CYTH3: variants seen among roughly 807,000 people sequenced by gnomAD.
CYTH3 encodes cytohesin-3.
In CYTH3, 23 loss-of-function variants were observed where a neutral mutation model predicts 55.1. The observed-to-expected ratio is 0.42, with a 90% CI of 0.30 to 0.59. The LOEUF (loss-of-function observed/expected upper bound fraction) is 0.59. Among genes scored for constraint, CYTH3 ranks in the 20% least tolerant of loss-of-function variants. The pLI is 0.20. For synonymous variants in CYTH3, 249 were observed against 194.9 expected, an observed-to-expected ratio of 1.28 and a Z score of -2.31; for missense variants, 413 against 524.8, an observed-to-expected ratio of 0.79 and a Z score of 2.08.
intron 1 of CYTH3, among the ~76,000 whole-genome samples, chr7:6,266,260 G>C (rs1437957855): frequency 6.6e-6 from 1 of 152,102 alleles, no homozygotes. Flanking sequence ...GAAATGGAAG[G>C]CTTGGGTTCC....
chr7:6,187,227 A>G (rs1177775355), intron 3 of CYTH3, 111 bp from the exon 4 acceptor site: 1 of 1,178,304 alleles, frequency 8.5e-7, no homozygotes, highest in Admixed American at 1.9e-5. Flanking sequence ...GAAGCGAAGC[A>G]CAGGCCCTCA....
chr7:6,263,866 C>A (rs1462763665), intron 1 of CYTH3, among the ~76,000 whole-genome samples: 1 of 151,006 alleles, frequency 6.6e-6, no homozygotes, highest in Non-Finnish European at 1.5e-5. Flanking sequence ...TTAAATTAAA[C>A]AAGGTCTATA....
chr7:6,203,103 T>A (rs765898155), intron 1 of CYTH3, among the ~76,000 whole-genome samples: 1 of 151,764 alleles, frequency 6.6e-6, no homozygotes, highest in African/African-American at 2.4e-5. Context: ...ATTCACAAAG[T>A]CAGAATTTAT....
At chr7:6,200,340 C>T (rs915243744) in intron 1 of CYTH3, among the ~76,000 whole-genome samples, 3 of 152,182 alleles carry the variant, frequency 2.0e-5, no homozygotes, top group African/African-American at 7.2e-5. Flanking sequence ...AGTTCACTCG[C>T]AGTCCTATGA....
At chr7:6,255,701 C>G (rs1199048448) in intron 1 of CYTH3, among the ~76,000 whole-genome samples, 2 of 151,430 alleles carry the variant, frequency 1.3e-5, no homozygotes, top group Non-Finnish European at 2.9e-5. Flanking sequence ...CTTACAGACT[C>G]CCTATGTGGG....
intron 1 of CYTH3, among the ~76,000 whole-genome samples, chr7:6,254,000 A>AAAAT (rs1156237984): frequency 6.7e-6 from 1 of 148,760 alleles, no homozygotes; most frequent in African/African-American, 2.5e-5. Context: ...CTCAAAAATA[A>AAAAT]AAATAAATAA....
chr7:6,166,085 A>G (rs1365534708), intron 9 of CYTH3, among the ~76,000 whole-genome samples: 1 of 152,054 alleles, frequency 6.6e-6, no homozygotes, highest in African/African-American at 2.4e-5. Context: ...GGATGGCGTC[A>G]TTTTCCCACA....
At chr7:6,239,653 T>C (rs1779621503) in intron 1 of CYTH3, among the ~76,000 whole-genome samples, 2 of 152,108 alleles carry the variant, frequency 1.3e-5, no homozygotes, top group African/African-American at 4.8e-5. Flanking sequence ...CTAAAAACAG[T>C]AAGATAATTT....
In CYTH3 at chr7:6,210,589, T is replaced by C. The variant is rs1784299975; in HGVS notation, c.35-20058A>G. Among the ~76,000 whole-genome samples the C allele has an allele frequency of 2.6e-5, 4 of 152,232 alleles. No homozygotes were observed. The South Asian group carries it at 8.3e-4, about 32-fold the overall frequency. The stretch of plus-strand genomic sequence containing the variant: ...ACATTTTTATAACTAATTTCCTATA[T>C]CCATAGGTGGAACTTTGGCTAAAAA... On this transcript the variant is annotated intron_variant, in intron 1 of 12. Coordinates refer to ENST00000350796, the MANE Select transcript of CYTH3 (RefSeq NM_004227.4).
intron 9 of CYTH3, among the ~76,000 whole-genome samples, chr7:6,166,285 C>T (rs1194950168): frequency 1.3e-5 from 2 of 152,362 alleles, no homozygotes; most frequent in South Asian, 2.1e-4. Context: ...AGCACACGTG[C>T]ACACGCACGT....
chr7:6,165,227 CG>C (rs1405053725), intron 12 of CYTH3, 45 bp downstream of exon 12: 2 of 1,582,094 alleles, frequency 1.3e-6, no homozygotes. Context: ...GCCCTCCAAC[CG>C]GCACGAGAAG....
At chr7:6,216,528 C>T (rs1396285028) in intron 1 of CYTH3, among the ~76,000 whole-genome samples, 2 of 151,574 alleles carry the variant, frequency 1.3e-5, no homozygotes, top group Non-Finnish European at 2.9e-5. Flanking sequence ...TACCTGAGCT[C>T]AGGAGTTTGA....
At chr7:6,172,746 C>T (rs1783234600) in intron 6 of CYTH3, 2 of 1,238,308 alleles carry the variant, frequency 1.6e-6, no homozygotes, top group Non-Finnish European at 2.1e-6. Flanking sequence ...CTGCACCCTT[C>T]TCTGGATGTA....
Position 6,162,285 on chromosome 7 carries a change from C to T in CYTH3, c.*2659G>A, listed in dbSNP as rs1288275746. ...ATATGAACCAGGGCGGCCAGCAAGA[C>T]AGGCTGGAAGGGCTGTGGCAGTCGC... On this transcript the variant is annotated 3_prime_UTR_variant, in exon 13 of 13. Coordinates refer to ENST00000350796, the MANE Select transcript of CYTH3 (RefSeq NM_004227.4). 2 of 152,240 alleles carry T rather than the reference C, an allele frequency of 1.3e-5. No individual in the cohort carries two copies. The highest frequency in any genetic ancestry group is 2.9e-5 in the Non-Finnish European group (2 of 68,044). 9.4% of individuals were successfully genotyped at this position (152,240 alleles called of 1,614,324 possible). A position where few individuals can be genotyped will look rare whatever the true frequency, so the allele number is the denominator to read the frequency against.
intron 1 of CYTH3, among the ~76,000 whole-genome samples, chr7:6,202,549 C>T (rs903206670): frequency 6.6e-6 from 1 of 151,636 alleles, no homozygotes; most frequent in Admixed American, 6.6e-5. Flanking sequence ...CCGCAACCTC[C>T]GCCTCCTGGG....
chr7:6,187,696 A>G lies in CYTH3; in HGVS notation c.143T>C (p.Val48Ala). ...AGTTAGATTGTCGATCTCTGTCATC[A>G]CCTCTGCAATTTCATATTTCAGCCT... ...IERLKYEIAE[V>A]MTEIDNLTSV... The change falls in exon 3 of 13, where the codon GTG (valine) becomes GCG (alanine). Residue 48 changes from valine (V) to alanine (A), a missense_variant. Val to Ala is a moderately conservative substitution (Grantham distance 64). Around this residue, in one of 4 missense-constraint regions of CYTH3, gnomAD observed 152 missense variants for 148.1 expected, o/e 1.03. Coordinates refer to ENST00000350796, the MANE Select transcript of CYTH3 (RefSeq NM_004227.4). 1.2e-6 allele frequency: 2 copies of G among 1,614,114 alleles called. No homozygotes were observed. Among genetic ancestry groups the G allele is most frequent in the Non-Finnish European group, 1.7e-6 (2 of 1,179,996 alleles).
chr7:6,195,007 AGAAAAAAGAAAGAGACAAAT>A (rs1783892379), intron 1 of CYTH3, among the ~76,000 whole-genome samples: 1 of 152,118 alleles, frequency 6.6e-6, no homozygotes, highest in African/African-American at 2.4e-5. Flanking sequence ...TTTTAAAAAA[AGAAAAAAGAAAGAGACAAAT>A]GAAAAGAGAA....
At chr7:6,272,114 T>C (rs1780677588) in intron 1 of CYTH3, among the ~76,000 whole-genome samples, 1 of 152,090 alleles carries the variant, frequency 6.6e-6, no homozygotes, top group African/African-American at 2.4e-5. Context: ...CCGGAGGGCA[T>C]GAACGCCCTT....
chr7:6,221,316 C>T (rs957078206), intron 1 of CYTH3, among the ~76,000 whole-genome samples: 2 of 152,176 alleles, frequency 1.3e-5, no homozygotes, highest in African/African-American at 2.4e-5. Flanking sequence ...CAACCCCAGT[C>T]TGAAAAGGTT....
Sources: allele counts gnomAD v4.1 joint callset (sites outside exome capture counted in the v4.1 genomes callset), GRCh38; gene constraint gnomAD v4.1.1; regional missense constraint gnomAD v4.1.1; transcripts MANE v1.5; gene names NCBI Gene and HGNC (gene_info 2026-07-23, HGNC 2026-07-21).